Variants in ARHGEF12 observed in about 807,000 individuals in gnomAD.
ARHGEF12 encodes the protein Rho guanine nucleotide exchange factor 12, also known as KMT2A/ARHGEF12 fusion protein.
A neutral mutation model predicts 211.2 loss-of-function variants in ARHGEF12; 66 were observed. The ratio of observed to expected loss-of-function variants is 0.31; its 90% confidence interval spans 0.26 to 0.38. ARHGEF12 has a LOEUF of 0.38. ARHGEF12 is among the 10% of genes least tolerant of loss of function. ARHGEF12 has a pLI of 1.00. For synonymous variants in ARHGEF12, 592 were observed against 638.4 expected, an observed-to-expected ratio of 0.93 and a Z score of 1.09; for missense variants, 1,429 against 1,869.5, an observed-to-expected ratio of 0.76 and a Z score of 4.34.
intron 26 of ARHGEF12, 87 bp from the exon 27 acceptor site, chr11:120,460,583 TAA>T (rs57250811): frequency 1.3e-3 from 1,182 of 918,706 alleles, no homozygotes; most frequent in South Asian, 1.9e-3. Flanking sequence ...ATCGTCTTTA[TAA>T]AAAAAAAAAA....
intron 10 of ARHGEF12, among the ~76,000 whole-genome samples, chr11:120,430,476 T>C (rs1191303339): frequency 6.6e-6 from 1 of 152,182 alleles, no homozygotes; most frequent in East Asian, 1.9e-4. Flanking sequence ...ATTTGCTGTA[T>C]AGTTATAAGC....
At chr11:120,355,052 C>T (rs17123846) in intron 1 of ARHGEF12, among the ~76,000 whole-genome samples, 1,925 of 152,264 alleles carry the variant, frequency 0.013, 34 homozygotes, top group African/African-American at 0.043. Context: ...TTTGCTTATC[C>T]AGCTTGAAAA....
chr11:120,474,095 A>G (rs1946955555), intron 31 of ARHGEF12, among the ~76,000 whole-genome samples: 1 of 152,254 alleles, frequency 6.6e-6, no homozygotes, highest in Non-Finnish European at 1.5e-5. Flanking sequence ...TAATATTTAG[A>G]CCAAGTCTGA....
rs780470146 is a variant in ARHGEF12, at chr11:120,481,398, A to C, written c.4376A>C (p.Gln1459Pro). The C allele has an allele frequency of 5.6e-6, 9 of 1,614,110 alleles. No individual in the cohort carries two copies. Among genetic ancestry groups the C allele is most frequent in the Non-Finnish European group, 6.8e-6 (8 of 1,180,054 alleles). The part of the protein sequence containing the change: ...ESTHQQQHSP[Q>P]NTHSDGAISP... ...ACCCACCAGCAGCAACATTCTCCTC[A>C]GAATACTCACTCCGATGGGGCAATT... Residue 1459 changes from glutamine (Q) to proline (P), a missense_variant, in exon 39 of 41, where the codon CAG becomes CCG. This residue lies in a region of ARHGEF12 where 467 missense variants were observed against 468.4 expected (regional missense o/e 1.00). Transcript: ENST00000397843.
At chr11:120,378,226 G>T (rs1943785913) in intron 1 of ARHGEF12, among the ~76,000 whole-genome samples, 2 of 152,144 alleles carry the variant, frequency 1.3e-5, no homozygotes, top group African/African-American at 4.8e-5. Flanking sequence ...GGTGTGAATG[G>T]CATCTCACTC....
At chr11:120,383,889 T>C (rs570427490) in intron 1 of ARHGEF12, among the ~76,000 whole-genome samples, 8 of 152,152 alleles carry the variant, frequency 5.3e-5, no homozygotes, top group African/African-American at 1.9e-4. Flanking sequence ...ATGACTAAAG[T>C]TTTGTTTGGT....
chr11:120,383,058 G>A (rs11217849), intron 1 of ARHGEF12, among the ~76,000 whole-genome samples: 4 of 152,152 alleles, frequency 2.6e-5, no homozygotes, highest in African/African-American at 4.8e-5. Context: ...GGAATGGCGC[G>A]AACCCAGGAG....
chr11:120,371,937 C>T (rs904919798), intron 1 of ARHGEF12, among the ~76,000 whole-genome samples: 8 of 152,114 alleles, frequency 5.3e-5, no homozygotes, highest in Admixed American at 1.3e-4. Flanking sequence ...TTTGAATGAC[C>T]GTTACTAAAA....
chr11:120,337,301 G>A (rs775586284), intron 1 of ARHGEF12, 26 bp downstream of exon 1: 17 of 1,613,652 alleles, frequency 1.1e-5, no homozygotes, highest in Admixed American at 3.3e-5. Context: ...TCCTTCGTTC[G>A]GCCTCCCGGA....
At chr11:120,416,346 C>T (rs1945026310) in intron 4 of ARHGEF12, among the ~76,000 whole-genome samples, 1 of 152,052 alleles carries the variant, frequency 6.6e-6, no homozygotes, top group Non-Finnish European at 1.5e-5. Context: ...GCCCCTGCAC[C>T]TTTGGAGCAT....
intron 25 of ARHGEF12, 21 bp downstream of exon 25, chr11:120,458,255 G>T: frequency 6.2e-7 from 1 of 1,612,154 alleles, no homozygotes; most frequent in Non-Finnish European, 8.5e-7. Flanking sequence ...TCAATTTGTT[G>T]TTGTTGTTTA....
chr11:120,409,600 G>A, intron 4 of ARHGEF12, 150 bp downstream of exon 4: 1 of 715,416 alleles, frequency 1.4e-6, no homozygotes, highest in South Asian at 2.2e-5. Flanking sequence ...TGCAGGGAAA[G>A]GGAGCCTGGG....
chr11:120,370,636 T>A (rs1943563280), intron 1 of ARHGEF12, among the ~76,000 whole-genome samples: 1 of 152,158 alleles, frequency 6.6e-6, no homozygotes, highest in Non-Finnish European at 1.5e-5. Context: ...GATATTCCCT[T>A]ATGGTCTTCA....
chr11:120,468,131 C>T (rs1159916556), intron 29 of ARHGEF12, among the ~76,000 whole-genome samples: 2 of 152,144 alleles, frequency 1.3e-5, no homozygotes, highest in South Asian at 2.1e-4. Context: ...CCAACTCTCC[C>T]GTTTTGAAAC....
chr11:120,451,770 A>T (rs1178340007), intron 22 of ARHGEF12, 46 bp downstream of exon 22: 2 of 1,533,806 alleles, frequency 1.3e-6, no homozygotes, highest in South Asian at 2.3e-5. Flanking sequence ...CAAGATTTTA[A>T]AACAAACACA....
intron 27 of ARHGEF12, 97 bp from the exon 28 acceptor site, chr11:120,465,140 T>G: frequency 6.7e-7 from 1 of 1,495,426 alleles, no homozygotes; most frequent in Non-Finnish European, 9.2e-7. Flanking sequence ...TTTTGTCACT[T>G]GAAATATTGA....
intron 27 of ARHGEF12, chr11:120,463,854 A>G (rs544157448): frequency 6.6e-6 from 1 of 152,308 alleles, no homozygotes; most frequent in East Asian, 1.9e-4. Context: ...TATGGCTTTA[A>G]ATGGAAGATT....
Position 120,441,923 on chromosome 11 carries a change from C to T in ARHGEF12, c.1203+106C>T, listed in dbSNP as rs190321860. On this transcript the variant is annotated intron_variant, in intron 14 of 40. Coordinates refer to ENST00000397843, the MANE Select transcript of ARHGEF12 (RefSeq NM_015313.3). ...AGTGGGCAGACTTCTTTCAGTTTTC[C>T]GTATAAAGACAGATACAAAAGATAA... is the stretch of plus-strand genomic sequence containing the variant. 1,447 of 1,043,078 alleles carry T rather than the reference C, an allele frequency of 1.4e-3. 2 individuals are homozygous for T. Among genetic ancestry groups the T allele is most frequent in the Non-Finnish European group, 1.9e-3 (1,302 of 698,628 alleles). 64.6% of individuals were successfully genotyped at this position (1,043,078 alleles called of 1,614,324 possible).
At chr11:120,409,959 T>G (rs1944831967) in intron 4 of ARHGEF12, 1 of 152,314 alleles carries the variant, frequency 6.6e-6, no homozygotes, top group African/African-American at 2.4e-5. Flanking sequence ...GAAAAGTCAT[T>G]CTTGTATAAT....
Sources: gnomAD v4.1 joint callset for allele counts (sites outside exome capture counted in the v4.1 genomes callset) on GRCh38, gnomAD v4.1.1 for gene constraint, gnomAD v4.1.1 regional missense constraint, MANE v1.5 for transcripts, NCBI Gene and HGNC (gene_info 2026-07-23, HGNC 2026-07-21) for gene names.